The following REEP1 variants were observed in gnomAD, a reference collection of about 807,000 sequenced individuals.
The protein encoded by REEP1 is receptor accessory protein 1.
Under a neutral mutation model 40.3 loss-of-function variants are expected in REEP1, and 22 were observed. The observed-to-expected ratio is 0.55, with a 90% CI of 0.39 to 0.78. The LOEUF is 0.78. REEP1 is among the 30% of genes least tolerant of loss of function. REEP1 has a pLI of 0.00. For synonymous variants in REEP1, 116 were observed against 139.2 expected, an observed-to-expected ratio of 0.83 and a Z score of 1.17; for missense variants, 280 against 361.1, an observed-to-expected ratio of 0.78 and a Z score of 1.82.
In REEP1 at chr2:86,224,709, G is replaced by C. The variant is rs987453894; in HGVS notation, c.631+2654C>G. On this transcript the variant is annotated intron_variant, in intron 7 of 8. Transcript: ENST00000538924. ...CCCAGCAGCAACCAACCTGCTCGGG[G>C]ATAAGGAACCAGAACTTGGACACTG... is the stretch of plus-strand genomic sequence containing the variant. 2.0e-5 allele frequency among the ~76,000 whole-genome samples: 3 copies of C among 152,342 alleles called. No homozygotes were observed. The East Asian group carries it at 5.8e-4, about 29-fold the overall frequency.
At chr2:86,251,142 T>A (rs1048115832) in intron 5 of REEP1, among the ~76,000 whole-genome samples, 4 of 152,160 alleles carry the variant, frequency 2.6e-5, no homozygotes, top group Non-Finnish European at 4.4e-5. Flanking sequence ...CACATGGTTG[T>A]TGGGGAAGGG....
chr2:86,244,656 G>A (rs1348735154), intron 5 of REEP1, among the ~76,000 whole-genome samples: 2 of 152,174 alleles, frequency 1.3e-5, no homozygotes, highest in East Asian at 3.8e-4. Flanking sequence ...TATATACAGA[G>A]GCCCCAAGGA....
chr2:86,256,338 AT>A (rs1236690073), intron 3 of REEP1, among the ~76,000 whole-genome samples: 1 of 123,944 alleles, frequency 8.1e-6, no homozygotes, highest in African/African-American at 3.5e-5. Flanking sequence ...ACAGAGCAAG[AT>A]TCCATCTCAA....
At chr2:86,293,384 A>C (rs1011207896) in intron 1 of REEP1, among the ~76,000 whole-genome samples, 3 of 152,200 alleles carry the variant, frequency 2.0e-5, no homozygotes, top group African/African-American at 7.2e-5. Context: ...TGATGGGCAA[A>C]ACTACGGAGA....
chr2:86,292,995 C>T (rs1678804325), intron 1 of REEP1, among the ~76,000 whole-genome samples: 1 of 152,190 alleles, frequency 6.6e-6, no homozygotes, highest in Admixed American at 6.5e-5. Flanking sequence ...GGCACTGATC[C>T]CCACAGAAGT....
chr2:86,219,226 G>A (rs1301610273), intron 8 of REEP1, among the ~76,000 whole-genome samples: 1 of 152,142 alleles, frequency 6.6e-6, no homozygotes, highest in Non-Finnish European at 1.5e-5. Context: ...TTTATACCAG[G>A]CACTATATGC....
At chr2:86,319,685 ACT>A (rs1485174223) in intron 1 of REEP1, among the ~76,000 whole-genome samples, 1 of 152,120 alleles carries the variant, frequency 6.6e-6, no homozygotes, top group African/African-American at 2.4e-5. Context: ...ACAGAGTGAG[ACT>A]CTGCCAAAGA....
At chr2:86,297,831 G>A in intron 1 of REEP1, 1 of 459,086 alleles carries the variant, frequency 2.2e-6, no homozygotes, top group Non-Finnish European at 2.9e-6. Context: ...GGTCCAGCCT[G>A]GGTCCCTCTC....
chr2:86,216,917 C>T lies in REEP1; in HGVS notation c.*122G>A. 1.3e-6 allele frequency: 1 copy of T among 760,128 alleles called. No individual in the cohort carries two copies. The highest frequency in any genetic ancestry group is 1.6e-5 in the South Asian group (1 of 61,750). The allele number at this position is 760,128 out of a possible 1,614,324, so 47.1% of individuals were successfully genotyped here. On this transcript the variant is annotated 3_prime_UTR_variant, in exon 9 of 9. Coordinates refer to ENST00000538924, the MANE Select transcript of REEP1 (RefSeq NM_001371279.1). Reference sequence around the variant, plus strand: ...AAGTGGAAGGGGAGAGAGAAAAGGCCATGTTTGTGAGGCTGCACACTCAAA... The same window carrying T: ...AAGTGGAAGGGGAGAGAGAAAAGGCTATGTTTGTGAGGCTGCACACTCAAA...
intron 5 of REEP1, 55 bp downstream of exon 5, chr2:86,251,902 A>G: frequency 2.5e-6 from 3 of 1,193,574 alleles, no homozygotes; most frequent in Non-Finnish European, 3.8e-6. Context: ...GGTGATGAGC[A>G]GGGCACACTA....
At chr2:86,272,485 A>G (rs977623659) in intron 2 of REEP1, among the ~76,000 whole-genome samples, 1 of 152,128 alleles carries the variant, frequency 6.6e-6, no homozygotes, top group African/African-American at 2.4e-5. Context: ...AGCTCTCCCA[A>G]CACTACAATT....
intron 7 of REEP1, among the ~76,000 whole-genome samples, chr2:86,220,540 T>TGTGGG (rs757108403): frequency 6.6e-6 from 1 of 152,104 alleles, no homozygotes; most frequent in African/African-American, 2.4e-5. Flanking sequence ...GCAGCAGTGA[T>TGTGGG]GTGGGGTGGG....
intron 2 of REEP1, among the ~76,000 whole-genome samples, chr2:86,272,488 C>A (rs564165187): frequency 7.1e-4 from 108 of 152,336 alleles, no homozygotes; most frequent in Admixed American, 9.8e-4. Flanking sequence ...TCTCCCAACA[C>A]TACAATTGTC....
At chr2:86,220,268 C>A in intron 7 of REEP1, 147 bp from the exon 8 acceptor site, 1 of 453,162 alleles carries the variant, frequency 2.2e-6, no homozygotes, top group Non-Finnish European at 3.6e-6. Context: ...TGAGGAAGCA[C>A]TGATGTTTTG....
chr2:86,271,338 A>AAGAAG (rs1346539555), intron 2 of REEP1, among the ~76,000 whole-genome samples: 3 of 152,006 alleles, frequency 2.0e-5, no homozygotes, highest in South Asian at 4.1e-4. Flanking sequence ...AAAGAAAGAA[A>AAGAAG]AGAAGAGAAA....
intron 2 of REEP1, among the ~76,000 whole-genome samples, chr2:86,271,918 C>T (rs1677475954): frequency 6.6e-6 from 1 of 152,136 alleles, no homozygotes. Context: ...ACAATGATAA[C>T]AATTTTAAAA....
At chr2:86,297,816 C>G (rs924749150) in intron 1 of REEP1, 1 of 653,228 alleles carries the variant, frequency 1.5e-6, no homozygotes, top group Non-Finnish European at 1.9e-6. Flanking sequence ...TCAGAGGATG[C>G]CTAAGGTCCA....
intron 1 of REEP1, among the ~76,000 whole-genome samples, chr2:86,309,251 G>A (rs1175659702): frequency 6.6e-6 from 1 of 152,182 alleles, no homozygotes; most frequent in Non-Finnish European, 1.5e-5. Flanking sequence ...GGACCTGTAA[G>A]TAATAAATGT....
chr2:86,321,065 C>T (rs1680254755), intron 1 of REEP1, among the ~76,000 whole-genome samples: 2 of 152,192 alleles, frequency 1.3e-5, no homozygotes, highest in Non-Finnish European at 2.9e-5. Context: ...GATCTGCCCA[C>T]CTTGGCCTCC....
Sources: allele counts gnomAD v4.1 joint callset (sites outside exome capture counted in the v4.1 genomes callset), GRCh38; gene constraint gnomAD v4.1.1; transcripts MANE v1.5; gene names NCBI Gene and HGNC (gene_info 2026-07-23, HGNC 2026-07-21).